KIZ: variants seen among roughly 807,000 people sequenced by gnomAD.
KIZ encodes the protein kizuna centrosomal protein.
A neutral mutation model predicts 79.6 loss-of-function variants in KIZ; 68 were observed. The observed-to-expected ratio is 0.85, with a 90% CI of 0.70 to 1.05. The LOEUF (loss-of-function observed/expected upper bound fraction) is 1.05, where lower values mean the gene tolerates loss of function less well. Ranked by LOEUF, KIZ falls within the 50% of genes least tolerant of loss-of-function variation. The pLI is 0.00. For synonymous variants in KIZ, 280 were observed against 281.8 expected, an observed-to-expected ratio of 0.99 and a Z score of 0.06; for missense variants, 797 against 800.4, an observed-to-expected ratio of 1.00 and a Z score of 0.05.
chr20:21,153,394 T>C (rs1384452038), intron 4 of KIZ, among the ~76,000 whole-genome samples: 1 of 152,156 alleles, frequency 6.6e-6, no homozygotes, highest in African/African-American at 2.4e-5. Context: ...AGATTGATTT[T>C]GTGCAAGATA....
At chr20:21,231,263 G>A (rs1027059050) in intron 10 of KIZ, among the ~76,000 whole-genome samples, 1 of 152,116 alleles carries the variant, frequency 6.6e-6, no homozygotes, top group Non-Finnish European at 1.5e-5. Context: ...GGCAGAGGTT[G>A]CAGTGAGCTG....
intron 4 of KIZ, chr20:21,148,681 AATGT>A (rs1171865510): frequency 1.3e-5 from 2 of 152,226 alleles, no homozygotes; most frequent in Admixed American, 1.3e-4. Flanking sequence ...AACACATAAA[AATGT>A]ATGTCCTCAA....
intron 4 of KIZ, among the ~76,000 whole-genome samples, chr20:21,159,644 C>G (rs1398478368): frequency 6.6e-6 from 1 of 152,198 alleles, no homozygotes. Flanking sequence ...ACTGGCTTCT[C>G]ATTTAGCATG....
At chr20:21,156,195 G>A (rs2033374019) in intron 4 of KIZ, among the ~76,000 whole-genome samples, 1 of 152,120 alleles carries the variant, frequency 6.6e-6, no homozygotes, top group South Asian at 2.1e-4. Flanking sequence ...ACATTACCAT[G>A]CCACACTTGG....
In KIZ at chr20:21,205,523, G is replaced by A. The variant is rs1035320244; in HGVS notation, c.1385G>A (p.Arg462Lys). 7.9e-5 allele frequency: 123 copies of A among 1,562,190 alleles called. No homozygotes were observed. In the African/African-American group the frequency reaches 1.6e-3, roughly 20 times the overall value. The change falls in exon 7 of 13, where the codon AGG becomes AAG. Residue 462 changes from arginine to lysine, a missense_variant. Physicochemically the swap from Arg to Lys is conservative, Grantham distance 26 (BLOSUM62 2). Coordinates refer to ENST00000619189, the MANE Select transcript of KIZ (RefSeq NM_018474.6). ...PGQTPDSDVP[R>K]AQVGQHVATL... ...CAAACACCAGACTCAGACGTACCGAGGGCACAGGTGGGTCAGCATGTTGCC... is the reference window on the plus strand; with the variant it reads ...CAAACACCAGACTCAGACGTACCGAAGGCACAGGTGGGTCAGCATGTTGCC...
intron 11 of KIZ, among the ~76,000 whole-genome samples, chr20:21,241,990 G>C (rs1276551358): frequency 6.6e-6 from 1 of 152,004 alleles, no homozygotes; most frequent in African/African-American, 2.4e-5. Flanking sequence ...ATTGAATATT[G>C]ATCAAATGCC....
intron 9 of KIZ, among the ~76,000 whole-genome samples, chr20:21,222,746 TTCTGTGTC>T (rs1003671818): frequency 2.0e-5 from 3 of 152,314 alleles, no homozygotes; most frequent in Admixed American, 2.0e-4. Context: ...TGGCCTTCTC[TTCTGTGTC>T]TCTGTGTCTG....
chr20:21,206,964 C>G (rs1260055793), intron 7 of KIZ, among the ~76,000 whole-genome samples: 1 of 152,198 alleles, frequency 6.6e-6, no homozygotes, highest in Non-Finnish European at 1.5e-5. Context: ...CTTCCTCATT[C>G]CCTAGAAAAG....
At chr20:21,169,542 C>T (rs2034109304) in intron 6 of KIZ, among the ~76,000 whole-genome samples, 1 of 152,158 alleles carries the variant, frequency 6.6e-6, no homozygotes, top group African/African-American at 2.4e-5. Context: ...GGATCTAGAA[C>T]TAGAAATACC....
At chr20:21,230,790 G>A (rs906409958) in intron 10 of KIZ, among the ~76,000 whole-genome samples, 2 of 152,162 alleles carry the variant, frequency 1.3e-5, no homozygotes, top group African/African-American at 2.4e-5. Flanking sequence ...GGAGGTTGTC[G>A]TCACTTGCAA....
chr20:21,226,778 G>A (rs146711288), intron 9 of KIZ, among the ~76,000 whole-genome samples: 4 of 152,270 alleles, frequency 2.6e-5, no homozygotes, highest in East Asian at 3.9e-4. Context: ...GCCTGATCTC[G>A]CCAGCCCTTT....
intron 6 of KIZ, among the ~76,000 whole-genome samples, chr20:21,200,771 T>C (rs528141634): frequency 6.6e-6 from 1 of 152,290 alleles, no homozygotes; most frequent in South Asian, 2.1e-4. Flanking sequence ...TTGGGACCCC[T>C]GCTCTAGAAG....
At position 21,167,076 on chromosome 20, in the gene KIZ, T is replaced by C. The variant is rs376935328; in HGVS notation, c.1352+3917T>C. ...AACCAGTGAGTGTGGAAGAAGTCCCTGAGCCTTAGATGAGACTGCATCTCC... is the reference window on the plus strand; with the variant it reads ...AACCAGTGAGTGTGGAAGAAGTCCCCGAGCCTTAGATGAGACTGCATCTCC... On this transcript the variant is annotated intron_variant, in intron 6 of 12. Coordinates refer to ENST00000619189, the MANE Select transcript of KIZ (RefSeq NM_018474.6). Among the ~76,000 whole-genome samples, 51 of 152,354 alleles carry C rather than the reference T, an allele frequency of 3.3e-4. 1 individual carries two copies. In the South Asian group the frequency reaches 0.01, roughly 31 times the overall value.
At position 21,162,005 on chromosome 20, in the gene KIZ, C is replaced by T; in HGVS notation, c.540C>T (p.Pro180=). 6.2e-7 allele frequency: 1 copy of T among 1,613,936 alleles called. No homozygotes were observed. The highest frequency in any genetic ancestry group is 8.5e-7 in the Non-Finnish European group (1 of 1,179,878). Residue 180 remains proline (P), a synonymous_variant, in exon 5 of 13, where the codon CCC becomes CCT. Transcript: ENST00000619189. ...MRDFSTEHKS[P]QPTKNFSIPD... ...ATTTCAGTACAGAGCACAAATCTCC[C>T]CAGCCCACAAAGAACTTTTCAATTC...
chr20:21,126,069 C>T, upstream of KIZ: 1 of 1,409,936 alleles, frequency 7.1e-7, no homozygotes, highest in Non-Finnish European at 9.3e-7. Context: ...CAACCCCGGC[C>T]GAACGGCCAC....
intron 4 of KIZ, chr20:21,148,672 A>G (rs2032967058): frequency 6.6e-6 from 1 of 152,220 alleles, no homozygotes; most frequent in South Asian, 2.1e-4. Flanking sequence ...ATACATAAAA[A>G]CACATAAAAA....
At chr20:21,182,911 A>G (rs138320895) in intron 6 of KIZ, among the ~76,000 whole-genome samples, 216 of 152,156 alleles carry the variant, frequency 1.4e-3, no homozygotes, top group Non-Finnish European at 2.5e-3. Context: ...AGAGCTATAC[A>G]ACAGCAGGCT....
intron 6 of KIZ, among the ~76,000 whole-genome samples, chr20:21,182,007 A>G (rs1203833681): frequency 6.6e-6 from 1 of 152,204 alleles, no homozygotes; most frequent in Non-Finnish European, 1.5e-5. Flanking sequence ...CTGCTCTGAC[A>G]TCCTCAGTGT....
intron 9 of KIZ, chr20:21,226,099 G>A (rs1437800410): frequency 6.6e-6 from 1 of 152,182 alleles, no homozygotes; most frequent in Non-Finnish European, 1.5e-5. Context: ...GTTCTGTTTT[G>A]TCTGTGCAGT....
Sources: allele counts gnomAD v4.1 joint callset (sites outside exome capture counted in the v4.1 genomes callset), GRCh38; gene constraint gnomAD v4.1.1; transcripts MANE v1.5; gene names NCBI Gene and HGNC (gene_info 2026-07-23, HGNC 2026-07-21).